Variants in MAGI2 observed in about 807,000 individuals in gnomAD.
MAGI2 encodes membrane-associated guanylate kinase, WW and PDZ domain-containing protein 2.
Under a neutral mutation model 133.3 loss-of-function variants are expected in MAGI2, and 35 were observed. The ratio of observed to expected loss-of-function variants is 0.26; its 90% CI spans 0.20 to 0.35. The LOEUF is 0.35. Ranked by LOEUF, MAGI2 falls within the 10% of genes least tolerant of loss-of-function variation. The probability of loss-of-function intolerance (pLI) is 1.00; values close to 1 mark genes in which losing one functional copy is unlikely to be tolerated. For missense variants in MAGI2, 1,636 were observed against 1,863.4 expected, an observed-to-expected ratio of 0.88 and a Z score of 2.25; for synonymous variants, 729 against 710.6, an observed-to-expected ratio of 1.03 and a Z score of -0.41.
chr7:78,579,509 A>G (rs561943958), intron 3 of MAGI2, among the ~76,000 whole-genome samples: 11 of 152,268 alleles, frequency 7.2e-5, no homozygotes, highest in African/African-American at 2.6e-4. Flanking sequence ...ACAAAGATTA[A>G]CCACTGAAGA....
At chr7:78,838,273 G>T in intron 2 of MAGI2, among the ~76,000 whole-genome samples, 1 of 151,988 alleles carries the variant, frequency 6.6e-6, no homozygotes, top group Admixed American at 6.6e-5. Context: ...TATAAATCTT[G>T]AAAACTTGAA....
chr7:78,311,851 A>G (rs1205944852), intron 9 of MAGI2, among the ~76,000 whole-genome samples: 2 of 151,724 alleles, frequency 1.3e-5, no homozygotes, highest in East Asian at 1.9e-4. Context: ...GCTCACTGCA[A>G]CCTCTGCCTC....
intron 6 of MAGI2, among the ~76,000 whole-genome samples, chr7:78,371,153 C>T (rs1157894944): frequency 6.6e-6 from 1 of 151,832 alleles, no homozygotes; most frequent in East Asian, 1.9e-4. Flanking sequence ...AATAACTCTC[C>T]AGATGGTTTT....
intron 2 of MAGI2, among the ~76,000 whole-genome samples, chr7:78,687,862 C>T (rs540526979): frequency 6.0e-5 from 9 of 149,270 alleles, no homozygotes; most frequent in South Asian, 2.1e-4. Context: ...CCCAGCTACT[C>T]GGGAGGCGAA....
chr7:78,192,495 G>A (rs1457444056), intron 12 of MAGI2, among the ~76,000 whole-genome samples: 3 of 149,218 alleles, frequency 2.0e-5, no homozygotes, highest in Non-Finnish European at 3.0e-5. Context: ...ACTTGGAAAT[G>A]GAAACGTACA....
chr7:78,092,815 C>A (rs1004511577), intron 20 of MAGI2, among the ~76,000 whole-genome samples: 2 of 152,178 alleles, frequency 1.3e-5, no homozygotes, highest in East Asian at 3.9e-4. Flanking sequence ...GAGACTTTCC[C>A]ATGCATATGT....
intron 1 of MAGI2, among the ~76,000 whole-genome samples, chr7:79,297,561 C>A (rs943712573): frequency 6.6e-6 from 1 of 152,194 alleles, no homozygotes; most frequent in Admixed American, 6.5e-5. Flanking sequence ...GCAGTCTACC[C>A]AGTACTCTTC....
intron 21 of MAGI2, among the ~76,000 whole-genome samples, chr7:78,046,803 T>G (rs570456957): frequency 1.3e-5 from 2 of 152,344 alleles, no homozygotes; most frequent in African/African-American, 4.8e-5. Flanking sequence ...AAAAAGATAA[T>G]GACTTTTAAA....
In MAGI2 at chr7:79,326,068, C is replaced by T. The variant is rs182581348; in HGVS notation, c.301+126952G>A. Among the ~76,000 whole-genome samples the T allele has an allele frequency of 1.2e-3, 188 of 152,280 alleles. 1 individual carries two copies. The highest frequency in any genetic ancestry group is 4.4e-3 in the African/African-American group (184 of 41,556). The stretch of plus-strand genomic sequence containing the variant: ...AAATGCACAAAAACATTCACACACA[C>T]ATACACACACTTGGAAGTTAGTTTC... On this transcript the variant is annotated intron_variant, in intron 1 of 21. Transcript: ENST00000354212.
chr7:79,021,820 G>A (rs576505772), intron 1 of MAGI2, among the ~76,000 whole-genome samples: 1 of 145,344 alleles, frequency 6.9e-6, no homozygotes, highest in Non-Finnish European at 1.5e-5. Context: ...GGAGGGGCCA[G>A]GGTGGAATGA....
At chr7:79,125,897 T>G (rs1177717238) in intron 1 of MAGI2, 1 of 424,448 alleles carries the variant, frequency 2.4e-6, no homozygotes, top group East Asian at 6.9e-5. Flanking sequence ...AAAGGATTTA[T>G]GGGGTCAACC....
intron 3 of MAGI2, among the ~76,000 whole-genome samples, chr7:78,612,694 G>A (rs894452891): frequency 6.6e-6 from 1 of 151,754 alleles, no homozygotes; most frequent in Non-Finnish European, 1.5e-5. Context: ...TTTTGAGGCG[G>A]GGTCTCGCTC....
intron 21 of MAGI2, among the ~76,000 whole-genome samples, chr7:78,034,006 T>C (rs1242149607): frequency 6.6e-6 from 1 of 152,184 alleles, no homozygotes; most frequent in Non-Finnish European, 1.5e-5. Flanking sequence ...ATAAACTACA[T>C]GTGGATTACA....
At chr7:78,121,179 G>A (rs541423826) in intron 20 of MAGI2, among the ~76,000 whole-genome samples, 1 of 149,110 alleles carries the variant, frequency 6.7e-6, no homozygotes, top group South Asian at 2.1e-4. Context: ...AGACGTTTAA[G>A]ACCATGTCTT....
intron 1 of MAGI2, among the ~76,000 whole-genome samples, chr7:79,146,225 T>C (rs979125448): frequency 3.9e-5 from 6 of 152,186 alleles, no homozygotes; most frequent in Non-Finnish European, 7.4e-5. Flanking sequence ...AGAGCAAAAT[T>C]AGCTTTCAGC....
At chr7:78,580,141 G>A (rs1045389108) in intron 3 of MAGI2, among the ~76,000 whole-genome samples, 2 of 152,128 alleles carry the variant, frequency 1.3e-5, no homozygotes, top group Non-Finnish European at 2.9e-5. Flanking sequence ...TGAATTTTAT[G>A]ATGAGATGCT....
At chr7:78,051,796 G>T (rs950281145) in intron 21 of MAGI2, among the ~76,000 whole-genome samples, 6 of 137,620 alleles carry the variant, frequency 4.4e-5, no homozygotes, top group African/African-American at 1.9e-4. Context: ...TGTTGGCCAG[G>T]CTGGTCTTGA....
chr7:78,904,752 T>A (rs1797874677), intron 2 of MAGI2, among the ~76,000 whole-genome samples: 1 of 152,058 alleles, frequency 6.6e-6, no homozygotes, highest in African/African-American at 2.4e-5. Flanking sequence ...ATCCACCTGC[T>A]TAGGCCTCCC....
intron 2 of MAGI2, among the ~76,000 whole-genome samples, chr7:78,990,500 G>A (rs1161066615): frequency 2.0e-5 from 3 of 151,922 alleles, no homozygotes; most frequent in African/African-American, 7.3e-5. Context: ...CTTCTCAATC[G>A]GAATGTCCTT....
Sources: allele counts gnomAD v4.1 joint callset (sites outside exome capture counted in the v4.1 genomes callset), GRCh38; gene constraint gnomAD v4.1.1; transcripts MANE v1.5; gene names NCBI Gene and HGNC (gene_info 2026-07-23, HGNC 2026-07-21).